The following CTNNA2 variants were observed in gnomAD, a reference collection of about 807,000 sequenced individuals.
CTNNA2 encodes the protein catenin alpha-2.
In CTNNA2, 42 loss-of-function variants were observed where a neutral mutation model predicts 101.0. That is an observed-to-expected ratio of 0.42 (90% CI 0.32 to 0.54). The LOEUF (loss-of-function observed/expected upper bound fraction) is 0.54, where lower values mean the gene tolerates loss of function less well. CTNNA2 is among the 20% of genes least tolerant of loss of function. The probability of loss-of-function intolerance (pLI) is 0.14; values close to 1 mark genes in which losing one functional copy is unlikely to be tolerated. For synonymous variants in CTNNA2, 450 were observed against 456.4 expected (o/e 0.99, Z 0.18); for missense variants, 871 against 1,223.1 (o/e 0.71, Z 4.29).
At chr2:79,720,736 G>A (rs1455024815) in intron 2 of CTNNA2, among the ~76,000 whole-genome samples, 1 of 152,028 alleles carries the variant, frequency 6.6e-6, no homozygotes. Flanking sequence ...ACATATCCAG[G>A]AACCTTGCTA....
At chr2:80,353,427 T>C (rs1168997531) in intron 7 of CTNNA2, among the ~76,000 whole-genome samples, 5 of 152,168 alleles carry the variant, frequency 3.3e-5, no homozygotes, top group African/African-American at 1.2e-4. Context: ...GGTTAGAATC[T>C]TGTTAACTAT....
intron 1 of CTNNA2, among the ~76,000 whole-genome samples, chr2:79,614,152 G>A (rs1385885781): frequency 6.6e-6 from 1 of 151,958 alleles, no homozygotes; most frequent in African/African-American, 2.4e-5. Flanking sequence ...GGTGGATATA[G>A]CACAATAAAA....
chr2:79,191,368 G>A (rs574424258), intron 1 of CTNNA2, among the ~76,000 whole-genome samples: 1 of 152,174 alleles, frequency 6.6e-6, no homozygotes, highest in South Asian at 2.1e-4. Context: ...TTCCTTAAAG[G>A]GCAACAGGGA....
rs1677103591 is a variant in CTNNA2, at chr2:79,812,275, A to G, written c.299-45738A>G. ...GCTAGGACTTCCATTATCATGGTGAATAGAAGTGGTTAAGTGCAGTCATCC... is the reference window on the plus strand; with the variant it reads ...GCTAGGACTTCCATTATCATGGTGAGTAGAAGTGGTTAAGTGCAGTCATCC... On this transcript the variant is annotated intron_variant, in intron 3 of 18. Transcript: ENST00000402739. Among the ~76,000 whole-genome samples, 3 of 152,206 alleles carry G rather than the reference A, an allele frequency of 2.0e-5. No individual in the cohort carries two copies. The South Asian group carries it at 6.2e-4, about 32-fold the overall frequency.
At chr2:79,405,692 C>T (rs575998781) in intron 4 of CTNNA2, among the ~76,000 whole-genome samples, 7 of 152,010 alleles carry the variant, frequency 4.6e-5, no homozygotes, top group East Asian at 1.9e-4. Flanking sequence ...GGATACACAG[C>T]GATGTTATTA....
chr2:80,047,381 A>C (rs1383743177), intron 7 of CTNNA2, among the ~76,000 whole-genome samples: 1 of 152,182 alleles, frequency 6.6e-6, no homozygotes, highest in Non-Finnish European at 1.5e-5. Flanking sequence ...TATGACACTA[A>C]GTACTATAGG....
chr2:80,064,013 T>C (rs1419378117), intron 7 of CTNNA2, among the ~76,000 whole-genome samples: 1 of 152,074 alleles, frequency 6.6e-6, no homozygotes, highest in Non-Finnish European at 1.5e-5. Flanking sequence ...TTCAGATTAT[T>C]GAAAACAAAA....
chr2:79,653,577 A>G (rs1002048720), intron 2 of CTNNA2, among the ~76,000 whole-genome samples: 1 of 152,094 alleles, frequency 6.6e-6, no homozygotes, highest in East Asian at 1.9e-4. Flanking sequence ...TAATCCTTAT[A>G]TGGCACTAGG....
intron 7 of CTNNA2, chr2:80,162,786 A>G (rs1573265039): frequency 1.9e-6 from 3 of 1,588,890 alleles, no homozygotes; most frequent in South Asian, 1.1e-5. Flanking sequence ...ACCATATGAC[A>G]TTTGTCTCAA....
chr2:79,408,698 A>C (rs1028919822), intron 4 of CTNNA2, among the ~76,000 whole-genome samples: 1 of 151,988 alleles, frequency 6.6e-6, no homozygotes, highest in African/African-American at 2.4e-5. Flanking sequence ...CCAGTCTATC[A>C]CTGTTGGACA....
rs146333708 is a variant in CTNNA2 at position 79,812,397 on chromosome 2, A to C, written c.299-45616A>C. On this transcript the variant is annotated intron_variant, in intron 3 of 18. Transcript: ENST00000402739. ...TAACTGAGATTCCTTTATTGGGTTT[A>C]GGAAATCTCCTATTGCATGTTTGAG... Among the ~76,000 whole-genome samples the C allele has an allele frequency of 4.8e-4, 73 of 152,258 alleles. No homozygotes were observed. The South Asian group carries it at 7.0e-3, about 15-fold the overall frequency.
chr2:79,617,621 G>A (rs969025173), intron 1 of CTNNA2, among the ~76,000 whole-genome samples: 9 of 151,992 alleles, frequency 5.9e-5, no homozygotes, highest in African/African-American at 1.7e-4. Context: ...TTTGCTTTAT[G>A]AATTTTTTTC....
At chr2:80,434,344 A>G (rs1313866366) in intron 9 of CTNNA2, among the ~76,000 whole-genome samples, 1 of 152,166 alleles carries the variant, frequency 6.6e-6, no homozygotes, top group Non-Finnish European at 1.5e-5. Context: ...GCAGAAACTT[A>G]ATGTACTTGT....
At chr2:79,427,737 G>A (rs192443531) in intron 4 of CTNNA2, among the ~76,000 whole-genome samples, 182 of 151,454 alleles carry the variant, frequency 1.2e-3, no homozygotes, top group Non-Finnish European at 2.1e-3. Flanking sequence ...GTCATCTTCC[G>A]TTCATACTCT....
chr2:79,365,137 C>T (rs1279996547), intron 3 of CTNNA2, among the ~76,000 whole-genome samples: 1 of 152,004 alleles, frequency 6.6e-6, no homozygotes, highest in Non-Finnish European at 1.5e-5. Context: ...ATTAGCTGAG[C>T]ATGGTGGCGG....
chr2:80,097,635 A>G (rs529334071), intron 7 of CTNNA2, among the ~76,000 whole-genome samples: 28 of 152,310 alleles, frequency 1.8e-4, no homozygotes, highest in Non-Finnish European at 3.8e-4. Context: ...CGTCACTTTC[A>G]GGTACACCAA....
At chr2:80,510,718 G>A (rs1238693784) in intron 9 of CTNNA2, among the ~76,000 whole-genome samples, 1 of 152,132 alleles carries the variant, frequency 6.6e-6, no homozygotes, top group African/African-American at 2.4e-5. Flanking sequence ...AACCTGAAAA[G>A]GTATAACTTT....
chr2:79,745,027 G>T (rs941869855), intron 3 of CTNNA2, among the ~76,000 whole-genome samples: 8 of 152,136 alleles, frequency 5.3e-5, no homozygotes, highest in African/African-American at 1.9e-4. Flanking sequence ...CCTCACAAAT[G>T]TAGCAAGCTA....
chr2:79,711,115 G>T (rs1489785689), intron 2 of CTNNA2, among the ~76,000 whole-genome samples: 2 of 152,188 alleles, frequency 1.3e-5, no homozygotes, highest in Admixed American at 6.5e-5. Context: ...CTTTGGCTTT[G>T]TGTAGCTGTA....
Sources: allele counts gnomAD v4.1 joint callset (sites outside exome capture counted in the v4.1 genomes callset), GRCh38; gene constraint gnomAD v4.1.1; transcripts MANE v1.5; gene names NCBI Gene and HGNC (gene_info 2026-07-23, HGNC 2026-07-21).